Variants in SEMA3A observed in about 807,000 individuals in gnomAD.
The protein encoded by SEMA3A is semaphorin-3A.
Under a neutral mutation model 97.9 loss-of-function variants are expected in SEMA3A, and 29 were observed. That is an observed-to-expected ratio of 0.30 (90% confidence interval 0.22 to 0.40). The LOEUF (loss-of-function observed/expected upper bound fraction) is 0.40, where lower values mean the gene tolerates loss of function less well. SEMA3A is among the 10% of genes least tolerant of loss of function. The pLI, the probability that SEMA3A is intolerant of heterozygous loss-of-function variation, is 1.00. For missense variants in SEMA3A, 763 were observed against 951.3 expected, an observed-to-expected ratio of 0.80 and a Z score of 2.60; for synonymous variants, 321 against 323.7, an observed-to-expected ratio of 0.99 and a Z score of 0.09.
chr7:84,412,433 T>C (rs1272024611), intron 1 of SEMA3A, among the ~76,000 whole-genome samples: 1 of 152,190 alleles, frequency 6.6e-6, no homozygotes, highest in Non-Finnish European at 1.5e-5. Flanking sequence ...AACAATGTGG[T>C]TGAACCACCT....
chr7:84,391,483 T>C (rs1471822841), intron 1 of SEMA3A, among the ~76,000 whole-genome samples: 1 of 151,854 alleles, frequency 6.6e-6, no homozygotes, highest in African/African-American at 2.4e-5. Flanking sequence ...GGAAAATAGA[T>C]AGAAAAATAC....
chr7:83,965,666 A>ATTTTTT (rs1181530901), intron 15 of SEMA3A, among the ~76,000 whole-genome samples: 3 of 11,794 alleles, frequency 2.5e-4, no homozygotes, highest in Admixed American at 2.2e-3. Flanking sequence ...ATATATATAT[A>ATTTTTT]TTTTTTTTTT....
intron 3 of SEMA3A, among the ~76,000 whole-genome samples, chr7:84,114,307 G>A (rs1795359344): frequency 6.6e-6 from 1 of 152,142 alleles, no homozygotes; most frequent in African/African-American, 2.4e-5. Flanking sequence ...GAAAAGAAGA[G>A]AAGACTTGTG....
intron 1 of SEMA3A, among the ~76,000 whole-genome samples, chr7:84,472,035 C>T (rs1427891490): frequency 6.6e-6 from 1 of 151,622 alleles, no homozygotes; most frequent in Non-Finnish European, 1.5e-5. Context: ...GAGACTAACT[C>T]AATGAATAAA....
intron 5 of SEMA3A, among the ~76,000 whole-genome samples, chr7:84,052,361 A>C (rs1458973155): frequency 1.3e-5 from 2 of 152,092 alleles, no homozygotes; most frequent in Non-Finnish European, 2.9e-5. Flanking sequence ...TTGGTTGGTA[A>C]GCTATTGATT....
chr7:84,357,693 T>C (rs371398176), intron 2 of SEMA3A, among the ~76,000 whole-genome samples: 1 of 151,904 alleles, frequency 6.6e-6, no homozygotes, highest in East Asian at 1.9e-4. Flanking sequence ...TAGTTCTAGA[T>C]CCCTGAGGAA....
intron 3 of SEMA3A, among the ~76,000 whole-genome samples, chr7:84,303,360 T>TA (rs201543365): frequency 1.8e-4 from 28 of 151,920 alleles, no homozygotes; most frequent in East Asian, 9.7e-4. Context: ...TCTCTTTTTT[T>TA]AAAAAAAATG....
At chr7:83,997,170 G>C (rs557294360) in intron 12 of SEMA3A, among the ~76,000 whole-genome samples, 1 of 151,918 alleles carries the variant, frequency 6.6e-6, no homozygotes, top group African/African-American at 2.4e-5. Flanking sequence ...AAAACTAACT[G>C]GTTGGGTAAC....
chr7:84,145,043 A>C (rs557257982), intron 1 of SEMA3A, among the ~76,000 whole-genome samples: 1 of 152,318 alleles, frequency 6.6e-6, no homozygotes, highest in East Asian at 1.9e-4. Flanking sequence ...ACACACAAGA[A>C]TATTTCCAAT....
intron 2 of SEMA3A, among the ~76,000 whole-genome samples, chr7:84,130,703 G>A (rs1364150008): frequency 6.6e-6 from 1 of 152,102 alleles, no homozygotes; most frequent in African/African-American, 2.4e-5. Flanking sequence ...GAGATGGAAA[G>A]GCAAGGGGAT....
At chr7:84,155,886 C>T (rs1387613928) in intron 1 of SEMA3A, among the ~76,000 whole-genome samples, 1 of 151,780 alleles carries the variant, frequency 6.6e-6, no homozygotes, top group East Asian at 1.9e-4. Context: ...TTTATTTAAC[C>T]CTATGATAGA....
intron 2 of SEMA3A, among the ~76,000 whole-genome samples, chr7:84,330,114 C>T (rs75879915): frequency 0.013 from 1,944 of 152,038 alleles, 15 homozygotes; most frequent in Non-Finnish European, 0.018. Flanking sequence ...AAAAGCAAGG[C>T]CAGTTATGTG....
In SEMA3A at chr7:83,961,789, C is replaced by T; in HGVS notation, c.1898G>A (p.Gly633Asp). The T allele has an allele frequency of 6.2e-7, 1 of 1,613,798 alleles. No homozygotes were observed. The change falls in exon 17 of 17, where the codon GGC (glycine) becomes GAC (aspartate). Residue 633 changes from glycine to aspartate, a missense_variant. Physicochemically the swap from Gly to Asp is moderately conservative, Grantham distance 94. Around this residue, in one of 2 missense-constraint regions of SEMA3A, gnomAD observed 678 missense variants for 881.3 expected, o/e 0.77. Coordinates refer to ENST00000265362, the MANE Select transcript of SEMA3A (RefSeq NM_006080.3). Reference sequence around the variant, plus strand: ...CTGTTGTAGACTACGTAGCAGAAGGCCTTGATCTGTCCTGATGATATGATC... The same window carrying T: ...CTGTTGTAGACTACGTAGCAGAAGGTCTTGATCTGTCCTGATGATATGATC... ...VDDHIIRTDQ[G>D]LLLRSLQQKD...
At chr7:84,000,376 A>G (rs572145281) in intron 12 of SEMA3A, among the ~76,000 whole-genome samples, 1 of 152,164 alleles carries the variant, frequency 6.6e-6, no homozygotes, top group Non-Finnish European at 1.5e-5. Context: ...GCCTGATTTT[A>G]AAAATCATAA....
chr7:84,321,897 AAAGAAG>A (rs1453146442), intron 2 of SEMA3A, among the ~76,000 whole-genome samples: 1 of 84,268 alleles, frequency 1.2e-5, no homozygotes, highest in East Asian at 4.8e-4. Flanking sequence ...AAAAAAAAAA[AAAGAAG>A]AAGAAGAAGG....
chr7:84,279,834 G>A (rs1401728428), intron 3 of SEMA3A, among the ~76,000 whole-genome samples: 1 of 152,092 alleles, frequency 6.6e-6, no homozygotes. Context: ...TGGATCCATG[G>A]TCTCCATTGT....
intron 1 of SEMA3A, among the ~76,000 whole-genome samples, chr7:84,457,990 A>AT (rs1446546413): frequency 6.6e-6 from 1 of 152,040 alleles, no homozygotes; most frequent in Non-Finnish European, 1.5e-5. Context: ...GGGTCTAAGT[A>AT]TACCTGACTT....
At chr7:84,163,093 T>A (rs1422911276) in intron 1 of SEMA3A, among the ~76,000 whole-genome samples, 1 of 152,172 alleles carries the variant, frequency 6.6e-6, no homozygotes, top group Non-Finnish European at 1.5e-5. Context: ...ATTTTATAGG[T>A]AACCAAAAGT....
chr7:84,162,912 T>C (rs900055310), intron 1 of SEMA3A, among the ~76,000 whole-genome samples: 9 of 152,184 alleles, frequency 5.9e-5, no homozygotes, highest in Non-Finnish European at 1.2e-4. Flanking sequence ...AAATAGACTC[T>C]AGAAACTTCG....
Sources: allele counts gnomAD v4.1 joint callset (sites outside exome capture counted in the v4.1 genomes callset), GRCh38; gene constraint gnomAD v4.1.1; regional missense constraint gnomAD v4.1.1; transcripts MANE v1.5; gene names NCBI Gene and HGNC (gene_info 2026-07-23, HGNC 2026-07-21).